Variants in ZDHHC2 observed in about 807,000 individuals in gnomAD.
The protein encoded by ZDHHC2 is zDHHC palmitoyltransferase 2.
A neutral mutation model predicts 55.6 loss-of-function variants in ZDHHC2; 51 were observed. The observed-to-expected ratio is 0.92, with a 90% confidence interval of 0.73 to 1.16. The LOEUF is 1.16. ZDHHC2 is among the 50% of genes most tolerant of loss of function. ZDHHC2 has a pLI of 0.00. For synonymous variants in ZDHHC2, 199 were observed against 152.9 expected (o/e 1.30, Z -2.22); for missense variants, 491 against 442.4 (o/e 1.11, Z -0.99).
intron 6 of ZDHHC2, among the ~76,000 whole-genome samples, chr8:17,202,422 C>G (rs972655831): frequency 6.6e-6 from 1 of 152,078 alleles, no homozygotes; most frequent in Non-Finnish European, 1.5e-5. Flanking sequence ...CACACTCCTT[C>G]CAATGTATTA....
intron 1 of ZDHHC2, among the ~76,000 whole-genome samples, chr8:17,173,051 C>T (rs1394189291): frequency 1.3e-5 from 2 of 152,116 alleles, no homozygotes; most frequent in Non-Finnish European, 2.9e-5. Context: ...CATTTTAAAC[C>T]CTACTTTCTA....
chr8:17,169,561 G>T (rs964435133), intron 1 of ZDHHC2, among the ~76,000 whole-genome samples: 3 of 152,202 alleles, frequency 2.0e-5, no homozygotes, highest in African/African-American at 7.2e-5. Flanking sequence ...GGGTGGGAAG[G>T]AGGGGAAGTA....
intron 4 of ZDHHC2, among the ~76,000 whole-genome samples, chr8:17,195,914 G>A (rs1022295615): frequency 1.3e-5 from 2 of 152,046 alleles, no homozygotes. Context: ...CTTGATTTAT[G>A]GTAGTACTCA....
intron 6 of ZDHHC2, 50 bp from the exon 7 acceptor site, chr8:17,205,605 G>A: frequency 6.5e-7 from 1 of 1,536,360 alleles, no homozygotes; most frequent in Non-Finnish European, 8.7e-7. Context: ...ATATGCACAT[G>A]TAGGTTGAAG....
At chr8:17,208,801 C>T (rs1305133399) in intron 8 of ZDHHC2, among the ~76,000 whole-genome samples, 4 of 152,088 alleles carry the variant, frequency 2.6e-5, no homozygotes, top group African/African-American at 9.7e-5. Flanking sequence ...TGTAATTCAT[C>T]AAAAGCAAAT....
chr8:17,173,899 A>G (rs1184903239), intron 1 of ZDHHC2, among the ~76,000 whole-genome samples: 1 of 152,088 alleles, frequency 6.6e-6, no homozygotes, highest in African/African-American at 2.4e-5. Flanking sequence ...GTTAAAACGA[A>G]GTCACCAGAG....
intron 3 of ZDHHC2, among the ~76,000 whole-genome samples, chr8:17,194,199 G>A (rs751040104): frequency 1.3e-5 from 2 of 151,934 alleles, no homozygotes; most frequent in African/African-American, 2.4e-5. Context: ...CCAAGCCTTC[G>A]CTATTGTGAA....
intron 3 of ZDHHC2, among the ~76,000 whole-genome samples, chr8:17,187,388 A>G (rs1340467249): frequency 1.3e-5 from 2 of 152,124 alleles, no homozygotes; most frequent in East Asian, 3.9e-4. Context: ...CTCTAATAAC[A>G]GTGTAGTTTT....
intron 8 of ZDHHC2, among the ~76,000 whole-genome samples, chr8:17,208,924 T>C (rs529541972): frequency 5.5e-4 from 84 of 152,164 alleles, no homozygotes; most frequent in Non-Finnish European, 1.1e-3. Flanking sequence ...AAAAGCTATG[T>C]ATCCTAGGAT....
intron 1 of ZDHHC2, among the ~76,000 whole-genome samples, chr8:17,179,815 A>G (rs1805341112): frequency 6.6e-6 from 1 of 152,234 alleles, no homozygotes; most frequent in Non-Finnish European, 1.5e-5. Context: ...ATATACCGTC[A>G]GGGCCAAGAA....
chr8:17,201,511 T>A (rs1282451439), intron 6 of ZDHHC2, among the ~76,000 whole-genome samples: 4 of 114,574 alleles, frequency 3.5e-5, no homozygotes, highest in South Asian at 6.5e-4. Flanking sequence ...TTTTTTTTTT[T>A]AGATGGAGTC....
chr8:17,167,544 A>G (rs1009310888), intron 1 of ZDHHC2, among the ~76,000 whole-genome samples: 4 of 152,136 alleles, frequency 2.6e-5, no homozygotes, highest in African/African-American at 9.6e-5. Context: ...ACCTCAGGTG[A>G]TTCGGCCTCC....
intron 1 of ZDHHC2, among the ~76,000 whole-genome samples, chr8:17,162,295 G>A (rs915241497): frequency 2.0e-5 from 3 of 152,198 alleles, no homozygotes; most frequent in African/African-American, 7.2e-5. Flanking sequence ...TAATCTCATA[G>A]TTTCTACTTA....
In ZDHHC2 at chr8:17,221,849, A is replaced by G. The variant is rs3750249; in HGVS notation, c.*1628A>G. ...AAAATATGATAACATTTTAACTTTCATTTTAGAGCACGTTTTGGTCATTTT... is the reference window on the plus strand; with the variant it reads ...AAAATATGATAACATTTTAACTTTCGTTTTAGAGCACGTTTTGGTCATTTT... On this transcript the variant is annotated 3_prime_UTR_variant, in exon 13 of 13. Transcript: ENST00000262096. The G allele has an allele frequency of 0.33, 50,527 of 152,082 alleles. 9,485 individuals carry two copies. The highest frequency in any genetic ancestry group is 0.73 in the East Asian group (3,752 of 5,166). The allele number at this position is 152,082 out of a possible 1,614,324, so 9.4% of individuals were successfully genotyped here.
intron 1 of ZDHHC2, among the ~76,000 whole-genome samples, chr8:17,171,000 C>G (rs954567935): frequency 1.3e-5 from 2 of 152,132 alleles, no homozygotes; most frequent in African/African-American, 4.8e-5. Context: ...TGACATTCCC[C>G]TGGGTGGTAA....
At chr8:17,160,979 A>G (rs774425812) in intron 1 of ZDHHC2, among the ~76,000 whole-genome samples, 11 of 152,214 alleles carry the variant, frequency 7.2e-5, no homozygotes, top group Middle Eastern at 3.2e-3. Context: ...TGCTGTCTTT[A>G]TTACTAAACA....
chr8:17,163,272 C>T (rs1804441484), intron 1 of ZDHHC2, among the ~76,000 whole-genome samples: 1 of 152,192 alleles, frequency 6.6e-6, no homozygotes, highest in Non-Finnish European at 1.5e-5. Flanking sequence ...CTCCCCCAGC[C>T]TGGTAACAGC....
At chr8:17,193,008 G>A (rs1806112554) in intron 3 of ZDHHC2, among the ~76,000 whole-genome samples, 1 of 152,088 alleles carries the variant, frequency 6.6e-6, no homozygotes, top group Non-Finnish European at 1.5e-5. Context: ...TTTGGTTACT[G>A]TGTACGAATG....
intron 1 of ZDHHC2, among the ~76,000 whole-genome samples, chr8:17,168,223 A>C (rs973572089): frequency 1.4e-4 from 21 of 152,300 alleles, no homozygotes; most frequent in Admixed American, 4.6e-4. Flanking sequence ...TTTGAATCTC[A>C]AGCACTGAGA....
Sources: gnomAD v4.1 joint callset for allele counts (sites outside exome capture counted in the v4.1 genomes callset) on GRCh38, gnomAD v4.1.1 for gene constraint, MANE v1.5 for transcripts, NCBI Gene and HGNC (gene_info 2026-07-23, HGNC 2026-07-21) for gene names.